ARHGAP32: variants seen among roughly 807,000 people sequenced by gnomAD.
ARHGAP32 encodes rho GTPase-activating protein 32.
A neutral mutation model predicts 186.5 loss-of-function variants in ARHGAP32; 51 were observed. That is an observed-to-expected ratio of 0.27 (90% CI 0.22 to 0.35). The LOEUF (loss-of-function observed/expected upper bound fraction) is 0.35. Among genes scored for constraint, ARHGAP32 ranks in the 10% least tolerant of loss-of-function variants. The pLI is 1.00. For missense variants in ARHGAP32, 2,186 were observed against 2,623.5 expected, an observed-to-expected ratio of 0.83 and a Z score of 3.64; for synonymous variants, 950 against 964.3, an observed-to-expected ratio of 0.99 and a Z score of 0.27.
rs149539884 is a variant in ARHGAP32, at chr11:129,009,844, T to C, written c.1046-11376A>G. ...CAGAATGATTTACATTTGTTTGGGA[T>C]TGCTGGGTCAAATAGTATTTCTGCT... On this transcript the variant is annotated intron_variant, in intron 11 of 22. Transcript: ENST00000682385. Among the ~76,000 whole-genome samples the C allele has an allele frequency of 1.3e-3, 202 of 152,258 alleles. 1 individual carries two copies. The highest frequency in any genetic ancestry group is 4.7e-3 in the African/African-American group (196 of 41,558).
rs963547773 is a variant in ARHGAP32 at position 129,250,848 on chromosome 11, T to C, written c.-5+28298A>G. Among the ~76,000 whole-genome samples the C allele has an allele frequency of 2.6e-5, 4 of 152,164 alleles. No homozygotes were observed. The South Asian group carries it at 8.3e-4, about 31-fold the overall frequency. ...AAAGAAAAGCAAGAAGGAAGAAAATTAACTAGCTTACATATGTCATACCTC... is the reference window on the plus strand; with the variant it reads ...AAAGAAAAGCAAGAAGGAAGAAAATCAACTAGCTTACATATGTCATACCTC... On this transcript the variant is annotated intron_variant, in intron 1 of 6. Transcript: ENST00000525234.
Position 129,171,630 on chromosome 11 carries a change from C to T in ARHGAP32, c.117-7203G>A, listed in dbSNP as rs559675590. Among the ~76,000 whole-genome samples the T allele has an allele frequency of 3.3e-5, 5 of 152,174 alleles. No individual in the cohort carries two copies. In the East Asian group the frequency reaches 9.6e-4, roughly 29 times the overall value. ...GATGCCTCCAGCTTTGTTCTTTTTGCTTAGGATTGTCTTGGCTATATGGGG... is the reference window on the plus strand; with the variant it reads ...GATGCCTCCAGCTTTGTTCTTTTTGTTTAGGATTGTCTTGGCTATATGGGG... On this transcript the variant is annotated intron_variant, in intron 1 of 22. Transcript: ENST00000682385.
At chr11:129,124,961 T>C in intron 2 of ARHGAP32, 67 bp from the exon 3 acceptor site, 2 of 1,251,202 alleles carry the variant, frequency 1.6e-6, no homozygotes, top group South Asian at 2.8e-5. Flanking sequence ...AAAAGCAGGT[T>C]ATAATTTATG....
rs748258563 is a variant in ARHGAP32, at chr11:128,969,677, G to T, written c.5536C>A (p.Pro1846Thr). The T allele has an allele frequency of 6.2e-7, 1 of 1,614,112 alleles. No individual in the cohort carries two copies. ...TGGGCTCTGTCCATCTCTGCCTCGGGATGCCTCCTATAGAAGCGGTCCTCT... is the reference window on the plus strand; with the variant it reads ...TGGGCTCTGTCCATCTCTGCCTCGGTATGCCTCCTATAGAAGCGGTCCTCT... ...EGEDRFYRRHPEAEMDRAHHH... is the reference protein window; with the variant it reads ...EGEDRFYRRHTEAEMDRAHHH... The change falls in exon 23 of 23, where the codon CCC (proline) becomes ACC (threonine). Residue 1846 changes from proline (P) to threonine (T), a missense_variant. Coordinates refer to ENST00000682385, the MANE Select transcript of ARHGAP32 (RefSeq NM_001378024.1). This position sits in a 1 kb window ranked among gnomAD's most constrained non-coding sequence, Gnocchi z 4.8.
chr11:129,056,462 G>T (rs868290049), intron 10 of ARHGAP32, among the ~76,000 whole-genome samples: 1 of 152,016 alleles, frequency 6.6e-6, no homozygotes, highest in African/African-American at 2.4e-5. Context: ...GGCCAGGCTG[G>T]TCTCAAATTC....
intron 1 of ARHGAP32, among the ~76,000 whole-genome samples, chr11:129,207,102 G>A (rs937769010): frequency 4.6e-5 from 7 of 152,132 alleles, no homozygotes; most frequent in African/African-American, 1.7e-4. Flanking sequence ...TTTTATGGCT[G>A]CATAGTATTC....
intron 1 of ARHGAP32, among the ~76,000 whole-genome samples, chr11:129,173,444 A>G (rs527614117): frequency 3.3e-5 from 5 of 152,288 alleles, no homozygotes; most frequent in African/African-American, 1.2e-4. Flanking sequence ...ATTAAAAAGG[A>G]GGGACTCCTC....
intron 6 of ARHGAP32, among the ~76,000 whole-genome samples, chr11:129,086,820 CA>C (rs150471534): frequency 4.8e-3 from 372 of 77,988 alleles, no homozygotes; most frequent in African/African-American, 0.015. Flanking sequence ...GACTCCATCT[CA>C]AAAAAAAAAA....
At chr11:129,193,633 AATAT>A (rs1283020044), upstream of ARHGAP32, among the ~76,000 whole-genome samples, 1 of 63,330 alleles carries the variant, frequency 1.6e-5, no homozygotes, top group Non-Finnish European at 3.0e-5. Context: ...TAATATATAT[AATAT>A]ATGTTATATA....
chr11:129,225,953 T>A (rs1944775805), intron 1 of ARHGAP32, among the ~76,000 whole-genome samples: 1 of 152,244 alleles, frequency 6.6e-6, no homozygotes. Context: ...GATTGAAAAG[T>A]ACAATTACTG....
At chr11:129,262,226 G>GT (rs1361308675) in intron 1 of ARHGAP32, among the ~76,000 whole-genome samples, 1 of 151,972 alleles carries the variant, frequency 6.6e-6, no homozygotes, top group Non-Finnish European at 1.5e-5. Flanking sequence ...TGTCTCTCAT[G>GT]TTTTTTTAAT....
intron 10 of ARHGAP32, among the ~76,000 whole-genome samples, chr11:129,058,188 TACACACACAC>T (rs58479028): frequency 0.025 from 3,297 of 133,858 alleles, 72 homozygotes; most frequent in African/African-American, 0.048. Context: ...AAAAAAAATA[TACACACACAC>T]ACACACACAC....
At chr11:129,273,078 TC>T in intron 1 of ARHGAP32, among the ~76,000 whole-genome samples, 1 of 152,296 alleles carries the variant, frequency 6.6e-6, no homozygotes, top group South Asian at 2.1e-4. Flanking sequence ...ATGTTCAAGG[TC>T]ACAAGGCTAC....
At chr11:129,167,294 T>G (rs951313802) in intron 1 of ARHGAP32, among the ~76,000 whole-genome samples, 1 of 152,136 alleles carries the variant, frequency 6.6e-6, no homozygotes, top group Non-Finnish European at 1.5e-5. Flanking sequence ...GCACAGCCAC[T>G]GTGGAAAAGA....
At chr11:128,978,704 A>C (rs1945623110) in intron 19 of ARHGAP32, 66 bp downstream of exon 19, 1 of 1,503,326 alleles carries the variant, frequency 6.7e-7, no homozygotes, top group Non-Finnish European at 8.9e-7. Context: ...ATATGTGAAG[A>C]ACGTGCCCAG....
intron 11 of ARHGAP32, among the ~76,000 whole-genome samples, chr11:129,015,009 G>C (rs1938266710): frequency 1.3e-5 from 2 of 152,106 alleles, no homozygotes; most frequent in South Asian, 4.1e-4. Flanking sequence ...TCACGCTAAT[G>C]AATATGAAGA....
At chr11:129,213,398 C>T (rs1944606081) in intron 1 of ARHGAP32, among the ~76,000 whole-genome samples, 1 of 152,130 alleles carries the variant, frequency 6.6e-6, no homozygotes, top group Non-Finnish European at 1.5e-5. Flanking sequence ...GAACTACTTG[C>T]CAAAGGCAAC....
intron 2 of ARHGAP32, among the ~76,000 whole-genome samples, chr11:129,130,592 T>C (rs189851127): frequency 4.6e-5 from 7 of 150,850 alleles, no homozygotes; most frequent in Non-Finnish European, 8.9e-5. Context: ...AGAATACTAA[T>C]AGCCAATAAT....
At chr11:129,063,799 C>T (rs1940593980) in intron 9 of ARHGAP32, 103 bp downstream of exon 9, 2 of 1,296,394 alleles carry the variant, frequency 1.5e-6, no homozygotes, top group Non-Finnish European at 1.0e-6. Flanking sequence ...AAACCTGGTG[C>T]TTTTCATTTT....
Sources: gnomAD v4.1 joint callset for allele counts (sites outside exome capture counted in the v4.1 genomes callset) on GRCh38, gnomAD v4.1.1 for gene constraint, Gnocchi (gnomAD v3.1) non-coding constraint, MANE v1.5 for transcripts, NCBI Gene and HGNC (gene_info 2026-07-23, HGNC 2026-07-21) for gene names.